The following NANOG variants were observed in gnomAD, a reference collection of about 807,000 sequenced individuals.
The protein encoded by NANOG is homeobox protein NANOG.
Under a neutral mutation model 17.7 loss-of-function variants are expected in NANOG, and 2 were observed. That is an observed-to-expected ratio of 0.11 (90% confidence interval 0.05 to 0.36). The LOEUF (loss-of-function observed/expected upper bound fraction) is 0.36. Among genes scored for constraint, NANOG ranks in the 10% least tolerant of loss-of-function variants. The probability of loss-of-function intolerance (pLI) is 1.00; values close to 1 mark genes in which losing one functional copy is unlikely to be tolerated. For missense variants in NANOG, 174 were observed against 362.1 expected (o/e 0.48, Z 4.22); for synonymous variants, 81 against 124.7 (o/e 0.65, Z 2.33).
Position 7,795,310 on chromosome 12 carries a change from G to C in NANOG, c.*215G>C. 1 of 372,672 alleles carries C rather than the reference G, an allele frequency of 2.7e-6. No individual in the cohort carries two copies. The allele number at this position is 372,672 out of a possible 1,614,324, so 23.1% of individuals were successfully genotyped here. On this transcript the variant is annotated 3_prime_UTR_variant, in exon 4 of 4. Transcript: ENST00000229307. ...TTTTTTTTTCCTATTGGATCTTCCT[G>C]GAGAAAATACTTTTTTTTTTTTTTT...
chr12:7,792,878 C>CA, intron 1 of NANOG, 72 bp from the exon 2 acceptor site: 1 of 1,455,444 alleles, frequency 6.9e-7, no homozygotes, highest in Non-Finnish European at 9.3e-7. Flanking sequence ...ACTTTGAAAA[C>CA]AATTTTTTTA....
chr12:7,791,273 C>G (rs752164982), intron 1 of NANOG, among the ~76,000 whole-genome samples: 6 of 151,786 alleles, frequency 4.0e-5, no homozygotes, highest in Admixed American at 2.0e-4. Flanking sequence ...CCACGCCTAG[C>G]TAATTTTTGT....
At chr12:7,793,469 C>G (rs1862872256) in intron 2 of NANOG, among the ~76,000 whole-genome samples, 1 of 152,158 alleles carries the variant, frequency 6.6e-6, no homozygotes, top group Non-Finnish European at 1.5e-5. Flanking sequence ...TCCAACGTTT[C>G]CTTAATAAAA....
intron 2 of NANOG, among the ~76,000 whole-genome samples, 165 bp from the exon 3 acceptor site, chr12:7,794,292 C>T (rs1481339802): frequency 6.6e-6 from 1 of 152,072 alleles, no homozygotes; most frequent in Non-Finnish European, 1.5e-5. Flanking sequence ...TAGCCTGTAG[C>T]GAACTCCTGG....
chr12:7,792,079 A>G (rs1450456835), intron 1 of NANOG, among the ~76,000 whole-genome samples: 1 of 152,152 alleles, frequency 6.6e-6, no homozygotes, highest in Non-Finnish European at 1.5e-5. Flanking sequence ...AATTTTTAGT[A>G]GAGATGGGGT....
rs753929904 is a variant in NANOG, at chr12:7,797,609, G to A, written c.*2514G>A. ...TGACCTCAGGTAATCCACCCTCCTC[G>A]GTCTCCCAAAGTGCTAGGATTACAG... On this transcript the variant is annotated 3_prime_UTR_variant, in exon 4 of 4. Transcript: ENST00000229307. The A allele has an allele frequency of 1.3e-5, 2 of 152,256 alleles. No homozygotes were observed. The highest frequency in any genetic ancestry group is 2.1e-4 in the South Asian group (1 of 4,808). The allele number at this position is 152,256 out of a possible 1,614,324, so 9.4% of individuals were successfully genotyped here. A position where few individuals can be genotyped will look rare whatever the true frequency, so the allele number is the denominator to read the frequency against.
rs200838938 is a variant in NANOG at position 7,792,750 on chromosome 12, A to G, written c.152-200A>G. Among the ~76,000 whole-genome samples the G allele has an allele frequency of 2.6e-5, 4 of 152,312 alleles. No individual in the cohort carries two copies. In the East Asian group the frequency reaches 7.7e-4, roughly 29 times the overall value. On this transcript the variant is annotated intron_variant, in intron 1 of 3. Coordinates refer to ENST00000229307, the MANE Select transcript of NANOG (RefSeq NM_024865.4). ...CCCAACGCAGTCTATTATGTACAAA[A>G]TGGAGATACTGATAAGACTTCTTGG... is the stretch of plus-strand genomic sequence containing the variant.
At chr12:7,794,218 C>G (rs914059459) in intron 2 of NANOG, among the ~76,000 whole-genome samples, 1 of 151,568 alleles carries the variant, frequency 6.6e-6, no homozygotes, top group Non-Finnish European at 1.5e-5. Context: ...GGACCACAGA[C>G]GTGCAGCATT....
intron 1 of NANOG, among the ~76,000 whole-genome samples, chr12:7,791,519 A>G (rs180928433): frequency 1.3e-5 from 2 of 152,148 alleles, no homozygotes; most frequent in Non-Finnish European, 2.9e-5. Context: ...AATTCTAATC[A>G]TTAGTTGAAA....
chr12:7,797,164 C>T lies in NANOG; in HGVS notation c.*2069C>T, dbSNP rs1275288909. The T allele has an allele frequency of 1.3e-5, 2 of 152,276 alleles. No homozygotes were observed. The highest frequency in any genetic ancestry group is 6.6e-5 in the Admixed American group (1 of 15,254). 9.4% of individuals were successfully genotyped at this position (152,276 alleles called of 1,614,324 possible). A position where few individuals can be genotyped will look rare whatever the true frequency, so the allele number is the denominator to read the frequency against. On this transcript the variant is annotated 3_prime_UTR_variant, in exon 4 of 4. Coordinates refer to ENST00000229307, the MANE Select transcript of NANOG (RefSeq NM_024865.4). Reference sequence around the variant, plus strand: ...CCGCCTCCTGGGTTCGAGCAATTCTCCTGCGTCAGCCTCCTAAGTAGCTGG... The same window carrying T: ...CCGCCTCCTGGGTTCGAGCAATTCTTCTGCGTCAGCCTCCTAAGTAGCTGG...
Position 7,795,777 on chromosome 12 carries a change from T to TTGGG in NANOG, c.*683_*686dup, listed in dbSNP as rs1164888121. 2 of 145,290 alleles carry TTGGG rather than the reference T, an allele frequency of 1.4e-5. No homozygotes were observed. The highest frequency in any genetic ancestry group is 5.0e-5 in the African/African-American group (2 of 40,016). 9.0% of individuals were successfully genotyped at this position (145,290 alleles called of 1,614,324 possible). ...GAAGATGTATTCGTATTGTTTGGGA[T>TTGGG]TGGGAGGCTTTGCTTATTTTTTAAA... On this transcript the variant is annotated 3_prime_UTR_variant, in exon 4 of 4. Coordinates refer to ENST00000229307, the MANE Select transcript of NANOG (RefSeq NM_024865.4).
chr12:7,792,823 T>C (rs769542923), intron 1 of NANOG, 127 bp from the exon 2 acceptor site: 1 of 950,658 alleles, frequency 1.1e-6, no homozygotes, highest in East Asian at 2.6e-5. Context: ...GCTTAAGAAA[T>C]TGCTTCTTAT....
intron 2 of NANOG, 63 bp downstream of exon 2, chr12:7,793,275 C>T (rs11831829): frequency 0.56 from 846,941 of 1,516,900 alleles, 242,299 homozygotes; most frequent in Middle Eastern, 0.63. Flanking sequence ...ATGGCTAAGA[C>T]CTCTGTGGAT....
At chr12:7,792,385 G>A (rs1284096151) in intron 1 of NANOG, among the ~76,000 whole-genome samples, 1 of 152,156 alleles carries the variant, frequency 6.6e-6, no homozygotes, top group Non-Finnish European at 1.5e-5. Flanking sequence ...TGGTAGCGCC[G>A]GCCTGATGAG....
rs1565478561 is a variant in NANOG at position 7,796,313 on chromosome 12, A to AAATAAATAAATAAATAAATAAATG, written c.*1221_*1222insAAATAAATAAATAAATAAATGAAT. 2 of 151,610 alleles carry AAATAAATAAATAAATAAATAAATG rather than the reference A, an allele frequency of 1.3e-5. No individual in the cohort carries two copies. Among genetic ancestry groups the AAATAAATAAATAAATAAATAAATG allele is most frequent in the African/African-American group, 4.9e-5 (2 of 41,200 alleles). 9.4% of individuals were successfully genotyped at this position (151,610 alleles called of 1,614,324 possible). ...AAAATAAATAAATAAATAAGTAAAT[A>AAATAAATAAATAAATAAATAAATG]AATGAATAATAAATAAATATGCCAG... On this transcript the variant is annotated 3_prime_UTR_variant, in exon 4 of 4. Coordinates refer to ENST00000229307, the MANE Select transcript of NANOG (RefSeq NM_024865.4).
chr12:7,791,885 A>T (rs1478210283), intron 1 of NANOG, among the ~76,000 whole-genome samples: 1 of 152,138 alleles, frequency 6.6e-6, no homozygotes, highest in Non-Finnish European at 1.5e-5. Flanking sequence ...AGAACTGGGC[A>T]GTCAGTTGCT....
intron 1 of NANOG, among the ~76,000 whole-genome samples, chr12:7,790,169 T>A (rs1297787386): frequency 1.5e-5 from 2 of 134,118 alleles, no homozygotes; most frequent in African/African-American, 5.3e-5. Context: ...CCTAACGTCA[T>A]AGCTCAGGGA....
intron 1 of NANOG, among the ~76,000 whole-genome samples, chr12:7,790,715 T>C (rs1051075353): frequency 8.6e-5 from 13 of 151,908 alleles, no homozygotes; most frequent in Admixed American, 8.5e-4. Flanking sequence ...ACATGATTGC[T>C]ATATTTGAGC....
intron 1 of NANOG, among the ~76,000 whole-genome samples, chr12:7,792,474 C>G (rs1486803716): frequency 6.6e-6 from 1 of 152,024 alleles, no homozygotes; most frequent in Non-Finnish European, 1.5e-5. Context: ...AGACCAGCCT[C>G]ACCAACATTG....
Sources: gnomAD v4.1 joint callset for allele counts (sites outside exome capture counted in the v4.1 genomes callset) on GRCh38, gnomAD v4.1.1 for gene constraint, MANE v1.5 for transcripts, NCBI Gene and HGNC (gene_info 2026-07-23, HGNC 2026-07-21) for gene names.